Variants in LOC128462377 observed in about 807,000 individuals in gnomAD.
chr16:89,361,768 G>C, the LOC128462377 span: 1 of 152,114 alleles, frequency 6.6e-6, no homozygotes, highest in Non-Finnish European at 1.5e-5. Flanking sequence ...ATGTCTCTAA[G>C]GACTAAGGGA....
the LOC128462377 span, among the ~76,000 whole-genome samples, chr16:89,333,950 A>G: frequency 6.6e-6 from 1 of 152,012 alleles, no homozygotes; most frequent in South Asian, 2.1e-4. Context: ...GACAATTCAA[A>G]TGCTGGCCTA....
At chr16:89,398,313 CACT>C in the LOC128462377 span, among the ~76,000 whole-genome samples, 10 of 141,150 alleles carry the variant, frequency 7.1e-5, no homozygotes, top group African/African-American at 2.8e-4. Flanking sequence ...ACATGAGGGA[CACT>C]GTGAAACAGC....
chr16:89,397,141 G>C, the LOC128462377 span, among the ~76,000 whole-genome samples: 1 of 152,102 alleles, frequency 6.6e-6, no homozygotes, highest in Admixed American at 6.5e-5. Context: ...GCAAATGCCA[G>C]CAGACATACC....
chr16:89,384,258 C>T, the LOC128462377 span, among the ~76,000 whole-genome samples: 21 of 152,114 alleles, frequency 1.4e-4, no homozygotes, highest in South Asian at 4.2e-4. Context: ...AGGCTGGGCA[C>T]GGTGGCTCAC....
At chr16:89,402,643 G>A in the LOC128462377 span, among the ~76,000 whole-genome samples, 1 of 150,572 alleles carries the variant, frequency 6.6e-6, no homozygotes, top group South Asian at 2.1e-4. Context: ...GGGTGGGGGG[G>A]GCAGCACTGC....
the LOC128462377 span, among the ~76,000 whole-genome samples, chr16:89,319,104 T>C: frequency 3.3e-5 from 5 of 152,346 alleles, no homozygotes; most frequent in Admixed American, 1.3e-4. Flanking sequence ...CCAGACTGTC[T>C]GCTCTCAGGA....
chr16:89,374,078 G>C, the LOC128462377 span, among the ~76,000 whole-genome samples: 1 of 152,194 alleles, frequency 6.6e-6, no homozygotes, highest in South Asian at 2.1e-4. Flanking sequence ...GCAGAGAGGG[G>C]TGTTAACCCG....
At chr16:89,323,816 G>C in the LOC128462377 span, 1 of 237,416 alleles carries the variant, frequency 4.2e-6, no homozygotes, top group South Asian at 4.9e-5. Context: ...ACCAACTGTG[G>C]GGTTCCAGCT....
the LOC128462377 span, among the ~76,000 whole-genome samples, chr16:89,391,182 C>T: frequency 1.7e-4 from 25 of 148,386 alleles, no homozygotes; most frequent in Middle Eastern, 7.0e-3. Context: ...GAGCCGAGAT[C>T]GCGCCACTGA....
the LOC128462377 span, among the ~76,000 whole-genome samples, chr16:89,402,450 C>A: frequency 6.6e-6 from 1 of 151,958 alleles, no homozygotes; most frequent in Admixed American, 6.6e-5. Flanking sequence ...GAAGCCGAGG[C>A]GGGAAGATCG....
At chr16:89,333,862 TGTGA>T in the LOC128462377 span, among the ~76,000 whole-genome samples, 1 of 152,124 alleles carries the variant, frequency 6.6e-6, no homozygotes, top group Non-Finnish European at 1.5e-5. Context: ...GGTATTATTC[TGTGA>T]GTATGTTCCC....
At chr16:89,361,856 G>A in the LOC128462377 span, among the ~76,000 whole-genome samples, 17 of 152,260 alleles carry the variant, frequency 1.1e-4, no homozygotes, top group South Asian at 2.3e-3. Flanking sequence ...AAAAAAATCC[G>A]CACTCTAGAT....
the LOC128462377 span, among the ~76,000 whole-genome samples, chr16:89,396,524 C>T: frequency 1.3e-5 from 2 of 152,140 alleles, no homozygotes; most frequent in African/African-American, 4.8e-5. Context: ...AATATGCTTC[C>T]ATTTTCCCAC....
At chr16:89,368,391 T>TG in the LOC128462377 span, among the ~76,000 whole-genome samples, 1 of 139,154 alleles carries the variant, frequency 7.2e-6, no homozygotes, top group African/African-American at 2.7e-5. Context: ...TTTTTTTTTT[T>TG]TTTTTTTTTT....
At chr16:89,386,532 T>C in the LOC128462377 span, among the ~76,000 whole-genome samples, 1 of 152,150 alleles carries the variant, frequency 6.6e-6, no homozygotes, top group African/African-American at 2.4e-5. Flanking sequence ...GGCTCTTCTC[T>C]GGAAGGATGG....
At chr16:89,352,520 AAC>A in the LOC128462377 span, among the ~76,000 whole-genome samples, 1 of 152,162 alleles carries the variant, frequency 6.6e-6, no homozygotes, top group Non-Finnish European at 1.5e-5. Flanking sequence ...TGGCAAGCTC[AAC>A]ACAGTGAGCG....
the LOC128462377 span, among the ~76,000 whole-genome samples, chr16:89,336,840 T>G: frequency 6.6e-6 from 1 of 151,962 alleles, no homozygotes; most frequent in African/African-American, 2.4e-5. Flanking sequence ...AGAAAACAAC[T>G]GCAGGCCGGG....
chr16:89,415,457 G>C, the LOC128462377 span, among the ~76,000 whole-genome samples: 1 of 147,090 alleles, frequency 6.8e-6, no homozygotes, highest in East Asian at 2.0e-4. Context: ...GTAGAGACGG[G>C]GTTTCACCGT....
At chr16:89,346,072 T>TC in the LOC128462377 span, among the ~76,000 whole-genome samples, 37 of 150,442 alleles carry the variant, frequency 2.5e-4, 3 homozygotes, top group East Asian at 7.2e-3. Context: ...AATGACCCTG[T>TC]CTCCACTAAC....
Sources: gnomAD v4.1 joint callset for allele counts (sites outside exome capture counted in the v4.1 genomes callset) on GRCh38, gnomAD v4.1.1 for gene constraint, MANE v1.5 for transcripts.